MYCBP: variants seen among roughly 807,000 people sequenced by gnomAD.
MYCBP encodes C-Myc-binding protein.
Under a neutral mutation model 16.8 loss-of-function variants are expected in MYCBP, and 5 were observed. That is an observed-to-expected ratio of 0.30 (90% CI 0.16 to 0.63). The LOEUF (loss-of-function observed/expected upper bound fraction) is 0.63, where lower values mean the gene tolerates loss of function less well. Among genes scored for constraint, MYCBP ranks in the 20% least tolerant of loss-of-function variants. The pLI is 0.83. For synonymous variants in MYCBP, 35 were observed against 43.7 expected, an observed-to-expected ratio of 0.80 and a Z score of 0.79; for missense variants, 103 against 121.8, an observed-to-expected ratio of 0.85 and a Z score of 0.73.
rs1312891288 is a variant in MYCBP at position 38,873,306 on chromosome 1, A to G, written c.-1T>C. ...CCCCCCTCACTTTGTAATGGGCCAT[A>G]GTGACAGCGGCAGCGGCGTAGCTGG... On this transcript the variant is annotated 5_prime_UTR_variant, in exon 1 of 5. Coordinates refer to ENST00000397572, the MANE Select transcript of MYCBP (RefSeq NM_012333.5). The G allele has an allele frequency of 6.2e-7, 1 of 1,602,920 alleles. No homozygotes were observed. Among genetic ancestry groups the G allele is most frequent in the Non-Finnish European group, 8.5e-7 (1 of 1,179,004 alleles).
At chr1:38,866,631 G>T (rs1250105952) in intron 4 of MYCBP, among the ~76,000 whole-genome samples, 1 of 150,658 alleles carries the variant, frequency 6.6e-6, no homozygotes, top group Non-Finnish European at 1.5e-5. Flanking sequence ...TGACCAGGCT[G>T]GTCTCGAACT....
Position 38,873,104 on chromosome 1 carries a change from G to T in MYCBP, c.16-14C>A. On this transcript the variant is annotated splice_polypyrimidine_tract_variant and intron_variant, in intron 1 of 4. Coordinates refer to ENST00000397572, the MANE Select transcript of MYCBP (RefSeq NM_012333.5). ...CGAGTCGGCGGCCTGAAGAGACACC[G>T]GGGGTCAGTGGCCAGAGCCCGGGAG... 6.4e-7 allele frequency: 1 copy of T among 1,556,680 alleles called. No individual in the cohort carries two copies. The highest frequency in any genetic ancestry group is 8.7e-7 in the Non-Finnish European group (1 of 1,150,144).
chr1:38,866,862 T>A lies in MYCBP; in HGVS notation c.267+18A>T, dbSNP rs1642352734. The A allele has an allele frequency of 6.8e-7, 1 of 1,472,236 alleles. No homozygotes were observed. Among genetic ancestry groups the A allele is most frequent in the South Asian group, 1.3e-5 (1 of 79,598 alleles). 91.2% of individuals were successfully genotyped at this position (1,472,236 alleles called of 1,614,324 possible). ...ACAGGTAAAATTATTTGAATATGAA[T>A]TCTTTTTAAAAATTTACCTTTGCTT... On this transcript the variant is annotated intron_variant, in intron 4 of 4. Transcript: ENST00000397572.
At chr1:38,865,110 C>T (rs755492057) in intron 4 of MYCBP, among the ~76,000 whole-genome samples, 2 of 152,182 alleles carry the variant, frequency 1.3e-5, no homozygotes, top group Non-Finnish European at 2.9e-5. Context: ...TTAACTTAAC[C>T]AGCCAATAAA....
chr1:38,867,065 C>A (rs1642356765), intron 3 of MYCBP, 56 bp from the exon 4 acceptor site: 21 of 1,497,298 alleles, frequency 1.4e-5, no homozygotes, highest in Non-Finnish European at 1.9e-5. Context: ...AATGAAATAG[C>A]ACAGAGTAGT....
At position 38,870,559 on chromosome 1, in the gene MYCBP, C is replaced by T. The variant is rs1407203209; in HGVS notation, c.88+2459G>A. On this transcript the variant is annotated intron_variant, in intron 2 of 4. Transcript: ENST00000397572. ...CTGTAATCCCAGCACTTTGGGAGGC[C>T]GAGGCGGGTGGATCATGAGGTCAGG... 1.1e-4 allele frequency among the ~76,000 whole-genome samples: 16 copies of T among 146,732 alleles called. No homozygotes were observed. In the East Asian group the frequency reaches 1.2e-3, roughly 11 times the overall value.
At chr1:38,872,409 C>A (rs1447423732) in intron 2 of MYCBP, among the ~76,000 whole-genome samples, 2 of 152,222 alleles carry the variant, frequency 1.3e-5, no homozygotes, top group Non-Finnish European at 2.9e-5. Flanking sequence ...TAACAGTAAG[C>A]TTTCATTTTA....
In MYCBP at chr1:38,866,978, G is replaced by T. The variant is rs989031019; in HGVS notation, c.169C>A (p.Pro57Thr). 3 of 1,611,302 alleles carry T rather than the reference G, an allele frequency of 1.9e-6. No homozygotes were observed. The highest frequency in any genetic ancestry group is 1.7e-6 in the Non-Finnish European group (2 of 1,178,648). ...AGCAGCTCTATTTCTGGATTTTCTGGAGTAGCAGCTCCTAAGTGATGCTTT... is the reference window on the plus strand; with the variant it reads ...AGCAGCTCTATTTCTGGATTTTCTGTAGTAGCAGCTCCTAAGTGATGCTTT... ...FLKHHLGAAT[P>T]ENPEIELLRL... The change falls in exon 4 of 5, where the codon CCA becomes ACA. Residue 57 changes from proline to threonine, a missense_variant. Physicochemically the swap from Pro to Thr is conservative, Grantham distance 38. Coordinates refer to ENST00000397572, the MANE Select transcript of MYCBP (RefSeq NM_012333.5).
At chr1:38,869,514 T>C (rs887861553) in intron 2 of MYCBP, among the ~76,000 whole-genome samples, 7 of 152,240 alleles carry the variant, frequency 4.6e-5, no homozygotes, top group Non-Finnish European at 8.8e-5. Context: ...CAGAAGATAC[T>C]GTAAATACAA....
chr1:38,869,686 T>C (rs1390317824), intron 2 of MYCBP, among the ~76,000 whole-genome samples: 1 of 152,178 alleles, frequency 6.6e-6, no homozygotes, highest in Admixed American at 6.5e-5. Context: ...TGATTTATCA[T>C]CTTTAGCCAT....
At chr1:38,872,753 A>G in intron 2 of MYCBP, 1 of 508,174 alleles carries the variant, frequency 2.0e-6, no homozygotes, top group South Asian at 2.8e-5. Flanking sequence ...CGGCTGCTGG[A>G]GGCAAAGCAA....
At chr1:38,870,027 G>A (rs536483046) in intron 2 of MYCBP, among the ~76,000 whole-genome samples, 9 of 151,856 alleles carry the variant, frequency 5.9e-5, no homozygotes, top group African/African-American at 1.7e-4. Context: ...AAAATTAGCC[G>A]GGCATGGTGG....
intron 4 of MYCBP, among the ~76,000 whole-genome samples, chr1:38,865,631 A>G (rs1642319205): frequency 6.6e-6 from 1 of 152,086 alleles, no homozygotes; most frequent in South Asian, 2.1e-4. Context: ...ATGGGACCCC[A>G]TTTCTACAAA....
intron 2 of MYCBP, among the ~76,000 whole-genome samples, chr1:38,868,869 G>A (rs1404590283): frequency 6.6e-6 from 1 of 152,074 alleles, no homozygotes; most frequent in Non-Finnish European, 1.5e-5. Flanking sequence ...TCGTGCCACT[G>A]CACTCCAGCC....
At chr1:38,870,652 G>A (rs1281549057) in intron 2 of MYCBP, among the ~76,000 whole-genome samples, 32 of 149,772 alleles carry the variant, frequency 2.1e-4, no homozygotes, top group African/African-American at 7.6e-4. Context: ...AATTAGCCGG[G>A]CGCGGTGGCG....
intron 2 of MYCBP, 71 bp downstream of exon 2, chr1:38,872,947 C>T: frequency 6.6e-7 from 1 of 1,511,448 alleles, no homozygotes; most frequent in Admixed American, 2.0e-5. Context: ...ACGCTACGGC[C>T]CGCTGGGGAA....
rs1642292613 is a variant in MYCBP, at chr1:38,864,233, A to T, written c.*437T>A. On this transcript the variant is annotated 3_prime_UTR_variant, in exon 5 of 5. Coordinates refer to ENST00000397572, the MANE Select transcript of MYCBP (RefSeq NM_012333.5). ...GATTCATGGGAACCCGTACAAAAGC[A>T]TCTTGTGTCACACAGATCTCTCCAG... The T allele has an allele frequency of 6.3e-6, 1 of 159,586 alleles. No individual in the cohort carries two copies. The highest frequency in any genetic ancestry group is 6.3e-5 in the Admixed American group (1 of 15,822). 9.9% of individuals were successfully genotyped at this position (159,586 alleles called of 1,614,324 possible).
rs1642263555 is a variant in MYCBP at position 38,862,505 on chromosome 1, T to C, written c.*2165A>G. On this transcript the variant is annotated 3_prime_UTR_variant, in exon 5 of 5. Transcript: ENST00000397572. Reference sequence around the variant, plus strand: ...GTTTGCAAGGCACTTTTACATCCATTATATTTAATTTGATTCTTACAACCA... The same window carrying C: ...GTTTGCAAGGCACTTTTACATCCATCATATTTAATTTGATTCTTACAACCA... Among the ~76,000 whole-genome samples, 1 of 152,222 alleles carries C rather than the reference T, an allele frequency of 6.6e-6. No homozygotes were observed. Among genetic ancestry groups the C allele is most frequent in the Non-Finnish European group, 1.5e-5 (1 of 68,026 alleles).
At chr1:38,867,094 A>T in intron 3 of MYCBP, 85 bp from the exon 4 acceptor site, 1 of 1,274,754 alleles carries the variant, frequency 7.8e-7, no homozygotes, top group Non-Finnish European at 1.1e-6. Context: ...CCCTGACCAG[A>T]GTCACCCACT....
Sources: gnomAD v4.1 joint callset for allele counts (sites outside exome capture counted in the v4.1 genomes callset) on GRCh38, gnomAD v4.1.1 for gene constraint, MANE v1.5 for transcripts, NCBI Gene and HGNC (gene_info 2026-07-23, HGNC 2026-07-21) for gene names.